Variants in GMFG observed in about 807,000 individuals in gnomAD.
GMFG encodes the protein glia maturation factor gamma.
Under a neutral mutation model 26.1 loss-of-function variants are expected in GMFG, and 21 were observed. The ratio of observed to expected loss-of-function variants is 0.80; its 90% CI spans 0.57 to 1.16. The LOEUF (loss-of-function observed/expected upper bound fraction) is 1.16. Ranked by LOEUF, GMFG falls within the 50% of genes most tolerant of loss-of-function variation. The pLI is 0.00. For missense variants in GMFG, 161 were observed against 178.3 expected (o/e 0.90, Z 0.55); for synonymous variants, 65 against 60.8 (o/e 1.07, Z -0.32).
At chr19:39,335,637 C>T in intron 1 of GMFG, 106 bp from the exon 2 acceptor site, 1 of 806,486 alleles carries the variant, frequency 1.2e-6, no homozygotes, top group Non-Finnish European at 2.2e-6. Context: ...CGCGCCGGCC[C>T]ATCTGATGCC....
At chr19:39,333,043 TG>T in intron 4 of GMFG, 33 bp downstream of exon 4, 1 of 1,491,526 alleles carries the variant, frequency 6.7e-7, no homozygotes, top group Non-Finnish European at 9.3e-7. Context: ...CCTCCCCTCA[TG>T]GCCTGATCCA....
rs1336192177 is a variant in GMFG, at chr19:39,329,622, C to T, written c.205G>A (p.Val69Met). The change falls in exon 5 of 7, where the codon GTG becomes ATG. Residue 69 changes from valine (V) to methionine (M), a missense_variant. Coordinates refer to ENST00000597595, the MANE Select transcript of GMFG (RefSeq NM_004877.4). ...MELPERQPRF[V>M]VYSYKYVHDD... ...TGCACGTACTTGTAGCTGTAAACCA[C>T]GAACCTACCGTGAAAGGGAATTGAA... is the stretch of plus-strand genomic sequence containing the variant. 5.0e-6 allele frequency: 8 copies of T among 1,599,836 alleles called. No homozygotes were observed. The highest frequency in any genetic ancestry group is 6.9e-6 in the Non-Finnish European group (8 of 1,167,174).
In GMFG at chr19:39,328,453, G is replaced by C. The variant is rs551971728; in HGVS notation, c.*24C>G. On this transcript the variant is annotated 3_prime_UTR_variant, in exon 7 of 7. Coordinates refer to ENST00000597595, the MANE Select transcript of GMFG (RefSeq NM_004877.4). The stretch of plus-strand genomic sequence containing the variant: ...AGTCACCTTGAGGACTCAGACATCA[G>C]GAATTCAGTCCCCAGCCCAGAGATC... 1 of 1,541,940 alleles carries C rather than the reference G, an allele frequency of 6.5e-7. No individual in the cohort carries two copies. The highest frequency in any genetic ancestry group is 1.4e-5 in the African/African-American group (1 of 73,558).
intron 3 of GMFG, among the ~76,000 whole-genome samples, chr19:39,333,581 CAAAA>C (rs750367671): frequency 2.1e-5 from 1 of 47,320 alleles, no homozygotes. Flanking sequence ...AACTCCGTCT[CAAAA>C]AAAAAAAAAA....
chr19:39,330,006 G>C (rs891299835), intron 4 of GMFG, among the ~76,000 whole-genome samples: 3 of 152,100 alleles, frequency 2.0e-5, no homozygotes, highest in Admixed American at 6.5e-5. Flanking sequence ...TTGAACTCAG[G>C]AGGCAGAGGT....
intron 3 of GMFG, among the ~76,000 whole-genome samples, chr19:39,333,484 G>A (rs1000425457): frequency 1.3e-5 from 2 of 151,706 alleles, no homozygotes; most frequent in East Asian, 3.9e-4. Context: ...GGAGGCTGAG[G>A]CAGGAGAATT....
chr19:39,328,530 T>C lies in GMFG; in HGVS notation c.376A>G (p.Thr126Ala). The change falls in exon 7 of 7, where the codon ACT becomes GCT. Residue 126 changes from threonine (T) to alanine (A), a missense_variant. Physicochemically the swap from Thr to Ala is moderately conservative, Grantham distance 58. Coordinates refer to ENST00000597595, the MANE Select transcript of GMFG (RefSeq NM_004877.4). ...AGCCAGGCCTCAGTGAGGTCATCAG[T>C]GGTGCGGATTTCGAACACCTGGGCA... is the stretch of plus-strand genomic sequence containing the variant. Reference protein sequence around the residue: ...ELTKVFEIRTTDDLTEAWLQE... With the variant: ...ELTKVFEIRTADDLTEAWLQE... 4 of 1,612,810 alleles carry C rather than the reference T, an allele frequency of 2.5e-6. No individual in the cohort carries two copies. Among genetic ancestry groups the C allele is most frequent in the Non-Finnish European group, 3.4e-6 (4 of 1,178,940 alleles).
chr19:39,328,886 A>G, intron 6 of GMFG, 114 bp downstream of exon 6: 1 of 813,318 alleles, frequency 1.2e-6, no homozygotes. Flanking sequence ...CTTTAAAAAA[A>G]CAAAAACAAA....
Position 39,329,024 on chromosome 19 carries a change from C to A in GMFG, c.333G>T (p.Leu111=). ...CCTTTGTGAGCTCTGCTGTCTGCAC[C>A]AGCCTGTTTTTACTCCCTGCATACA... The part of the protein sequence containing the change: ...QMMYAGSKNR[L]VQTAELTKVF... The change falls in exon 6 of 7, where the codon CTG becomes CTT. Residue 111 remains leucine (L), a synonymous_variant. Coordinates refer to ENST00000597595, the MANE Select transcript of GMFG (RefSeq NM_004877.4). The A allele has an allele frequency of 6.2e-7, 1 of 1,613,510 alleles. No individual in the cohort carries two copies. Among genetic ancestry groups the A allele is most frequent in the Non-Finnish European group, 8.5e-7 (1 of 1,179,418 alleles).
chr19:39,329,674 G>T, intron 4 of GMFG, 48 bp from the exon 5 acceptor site: 1 of 1,188,824 alleles, frequency 8.4e-7, no homozygotes, highest in South Asian at 1.2e-5. Flanking sequence ...TGCAGCCCAG[G>T]CTTAACAGCC....
intron 4 of GMFG, among the ~76,000 whole-genome samples, chr19:39,332,306 G>A (rs182600733): frequency 6.6e-6 from 1 of 150,558 alleles, no homozygotes; most frequent in East Asian, 2.0e-4. Context: ...CTCCAACCTG[G>A]GCAACAGAGC....
At chr19:39,330,244 G>A (rs1408783745) in intron 4 of GMFG, among the ~76,000 whole-genome samples, 6 of 152,030 alleles carry the variant, frequency 3.9e-5, no homozygotes, top group South Asian at 2.1e-4. Flanking sequence ...GAATGCCAGC[G>A]TGTAAGTTCT....
At position 39,329,567 on chromosome 19, in the gene GMFG, C is replaced by T; in HGVS notation, c.260G>A (p.Cys87Tyr). 6.2e-7 allele frequency: 1 copy of T among 1,608,698 alleles called. No individual in the cohort carries two copies. Among genetic ancestry groups the T allele is most frequent in the South Asian group, 1.1e-5 (1 of 90,922 alleles). Residue 87 changes from cysteine (C) to tyrosine (Y), a missense_variant, in exon 5 of 7, where the codon TGT (cysteine) becomes TAT (tyrosine). Cys to Tyr is a radical substitution (Grantham distance 194). Transcript: ENST00000597595. Reference protein sequence around the residue: ...HDDGRVSYPLCFIFSSPVGCK... With the variant: ...HDDGRVSYPLYFIFSSPVGCK... Reference sequence around the variant, plus strand: ...ACCCACAGGGCTGGAGAAGATGAAACACAAAGGGTAGGACACTCGGCCATC... The same window carrying T: ...ACCCACAGGGCTGGAGAAGATGAAATACAAAGGGTAGGACACTCGGCCATC...
chr19:39,329,483 CACAA>C (rs2075217490), intron 5 of GMFG, 57 bp downstream of exon 5: 7 of 980,418 alleles, frequency 7.1e-6, no homozygotes, highest in Admixed American at 5.5e-5. Context: ...CGCATTTACA[CACAA>C]ACACACACAC....
intron 4 of GMFG, among the ~76,000 whole-genome samples, chr19:39,330,686 T>C (rs557316163): frequency 4.0e-5 from 6 of 151,008 alleles, no homozygotes; most frequent in African/African-American, 7.3e-5. Flanking sequence ...AGCCTCGACC[T>C]CCCAGGTTCA....
chr19:39,335,687 G>T, intron 1 of GMFG, 156 bp from the exon 2 acceptor site: 1 of 660,566 alleles, frequency 1.5e-6, no homozygotes, highest in Non-Finnish European at 2.7e-6. Context: ...CCACAGAGTA[G>T]ATACCCCTCA....
intron 5 of GMFG, 77 bp downstream of exon 5, chr19:39,329,467 C>T: frequency 2.4e-6 from 2 of 838,068 alleles, no homozygotes; most frequent in Admixed American, 1.9e-5. Flanking sequence ...AGTGCCTGCA[C>T]ACATTCGCAT....
intron 5 of GMFG, among the ~76,000 whole-genome samples, 153 bp downstream of exon 5, chr19:39,329,391 G>T (rs2075217044): frequency 2.0e-5 from 3 of 152,138 alleles, no homozygotes; most frequent in African/African-American, 7.2e-5. Context: ...CCCACATCAT[G>T]CGTGCGACAC....
Position 39,328,881 on chromosome 19 carries a change from AAAAAAC to A in GMFG, c.357+113_357+118del, listed in dbSNP as rs568393664. The A allele has an allele frequency of 5.1e-3, 4,150 of 818,468 alleles. 45 individuals carry two copies. Among genetic ancestry groups the A allele is most frequent in the South Asian group, 0.017 (1,236 of 71,792 alleles). 50.7% of individuals were successfully genotyped at this position (818,468 alleles called of 1,614,324 possible). ...TGACAGAGCGAGACCCAGTTCTTTA[AAAAAAC>A]AAAAACAAAAACAAAAACCACTGAG... On this transcript the variant is annotated intron_variant, in intron 6 of 6. Coordinates refer to ENST00000597595, the MANE Select transcript of GMFG (RefSeq NM_004877.4).
Sources: allele counts gnomAD v4.1 joint callset (sites outside exome capture counted in the v4.1 genomes callset), GRCh38; gene constraint gnomAD v4.1.1; transcripts MANE v1.5; gene names NCBI Gene and HGNC (gene_info 2026-07-23, HGNC 2026-07-21).